Variants in NRXN3 observed in about 807,000 individuals in gnomAD.
NRXN3 encodes neurexin 3.
Under a neutral mutation model 137.6 loss-of-function variants are expected in NRXN3, and 32 were observed. That is an observed-to-expected ratio of 0.23 (90% CI 0.18 to 0.31). NRXN3 has a LOEUF of 0.31. Among genes scored for constraint, NRXN3 ranks in the 10% least tolerant of loss-of-function variants. The pLI is 1.00. For synonymous variants in NRXN3, 798 were observed against 784.5 expected (o/e 1.02, Z -0.29); for missense variants, 1,574 against 2,062.5 (o/e 0.76, Z 4.59).
chr14:78,663,872 C>A (rs1184144846), intron 6 of NRXN3, among the ~76,000 whole-genome samples: 1 of 152,170 alleles, frequency 6.6e-6, no homozygotes, highest in Non-Finnish European at 1.5e-5. Flanking sequence ...AGTCCTTGTA[C>A]ACATATACCT....
intron 15 of NRXN3, among the ~76,000 whole-genome samples, chr14:79,291,941 A>G (rs1022406445): frequency 2.6e-5 from 4 of 151,966 alleles, no homozygotes; most frequent in Non-Finnish European, 5.9e-5. Flanking sequence ...TATTCTAACA[A>G]ATACTTTAGC....
At chr14:78,580,549 G>A (rs577010773) in intron 4 of NRXN3, among the ~76,000 whole-genome samples, 1 of 152,220 alleles carries the variant, frequency 6.6e-6, no homozygotes, top group Admixed American at 6.5e-5. Context: ...ATCACCATCA[G>A]CATTCAATTC....
rs188821695 is a variant in NRXN3, at chr14:79,749,145, A to G, written c.4014+51208A>G. Among the ~76,000 whole-genome samples, 21 of 152,174 alleles carry G rather than the reference A, an allele frequency of 1.4e-4. No homozygotes were observed. The East Asian group carries it at 3.7e-3, about 27-fold the overall frequency. ...AGCCTGTGTCAGCCACCTGCCTGCT[A>G]CAAGCTGTGAGAAGTTAATCGTCTT... is the stretch of plus-strand genomic sequence containing the variant. On this transcript the variant is annotated intron_variant, in intron 19 of 20. Coordinates refer to ENST00000335750, the MANE Select transcript of NRXN3 (RefSeq NM_001330195.2).
chr14:79,529,402 C>T lies in NRXN3; in HGVS notation c.3444+62000C>T, dbSNP rs938689671. Among the ~76,000 whole-genome samples the T allele has an allele frequency of 2.6e-5, 4 of 152,202 alleles. No homozygotes were observed. In the East Asian group the frequency reaches 5.8e-4, roughly 22 times the overall value. The stretch of plus-strand genomic sequence containing the variant: ...GGCCAGGCAGGCCCAGGCCTGGTTT[C>T]GGGCCTGGCGCCGGGCTGCCTGTCT... On this transcript the variant is annotated intron_variant, in intron 16 of 20. Coordinates refer to ENST00000335750, the MANE Select transcript of NRXN3 (RefSeq NM_001330195.2).
At chr14:79,693,515 C>A (rs1201295636) in intron 18 of NRXN3, among the ~76,000 whole-genome samples, 1 of 151,958 alleles carries the variant, frequency 6.6e-6, no homozygotes, top group Non-Finnish European at 1.5e-5. Flanking sequence ...GATTGCCTCA[C>A]TTTAAACAGG....
At position 78,937,310 on chromosome 14, in the gene NRXN3, G is replaced by A. The variant is rs574999001; in HGVS notation, c.2276-19932G>A. On this transcript the variant is annotated intron_variant, in intron 10 of 20. Coordinates refer to ENST00000335750, the MANE Select transcript of NRXN3 (RefSeq NM_001330195.2). ...GGTGGTACCTAAACTTATTCAGGCAGTATGTCTGTGGTCTATAAATGTACA... is the reference window on the plus strand; with the variant it reads ...GGTGGTACCTAAACTTATTCAGGCAATATGTCTGTGGTCTATAAATGTACA... Among the ~76,000 whole-genome samples the A allele has an allele frequency of 3.3e-5, 5 of 152,190 alleles. No individual in the cohort carries two copies. In the South Asian group the frequency reaches 6.2e-4, roughly 19 times the overall value.
At chr14:79,638,258 G>T (rs368287019) in intron 16 of NRXN3, among the ~76,000 whole-genome samples, 35 of 152,122 alleles carry the variant, frequency 2.3e-4, no homozygotes, top group African/African-American at 8.4e-4. Context: ...TTCCTTTGTT[G>T]TTGTTTTCCT....
In NRXN3 at chr14:78,804,785, A is replaced by C. The variant is rs1300007333; in HGVS notation, c.2248+962A>C. On this transcript the variant is annotated intron_variant, in intron 9 of 20. Transcript: ENST00000335750. ...GTTTTTGGCAAGGAAAAAACAAACAAACACTCCATTTCTGCTGTTTCTAAT... is the reference window on the plus strand; with the variant it reads ...GTTTTTGGCAAGGAAAAAACAAACACACACTCCATTTCTGCTGTTTCTAAT... Among the ~76,000 whole-genome samples the C allele has an allele frequency of 2.0e-5, 3 of 152,178 alleles. No homozygotes were observed. The East Asian group carries it at 5.8e-4, about 29-fold the overall frequency.
chr14:79,743,169 G>A (rs1000450089), intron 19 of NRXN3, among the ~76,000 whole-genome samples: 2 of 152,024 alleles, frequency 1.3e-5, no homozygotes, highest in African/African-American at 4.8e-5. Context: ...CTATAATAAA[G>A]GTATTTTAAA....
intron 15 of NRXN3, among the ~76,000 whole-genome samples, chr14:79,125,062 G>C (rs765749857): frequency 2.0e-5 from 3 of 152,054 alleles, no homozygotes; most frequent in Non-Finnish European, 4.4e-5. Context: ...GTACATAGAA[G>C]GCTTTACATT....
At chr14:78,255,838 G>T (rs1410051151) in intron 2 of NRXN3, among the ~76,000 whole-genome samples, 1 of 152,198 alleles carries the variant, frequency 6.6e-6, no homozygotes, top group Admixed American at 6.5e-5. Flanking sequence ...GTGTGTGCCT[G>T]TGCTCCCTAA....
At chr14:78,844,536 G>T (rs2099021211) in intron 10 of NRXN3, among the ~76,000 whole-genome samples, 1 of 151,992 alleles carries the variant, frequency 6.6e-6, no homozygotes, top group African/African-American at 2.4e-5. Context: ...TGTAAAATGA[G>T]AATAATAACG....
At chr14:78,205,466 A>G (rs955786916) in intron 1 of NRXN3, among the ~76,000 whole-genome samples, 5 of 152,218 alleles carry the variant, frequency 3.3e-5, no homozygotes, top group African/African-American at 1.2e-4. Flanking sequence ...TTGCTTGGGT[A>G]GAGTTTGCAT....
chr14:78,813,277 G>A (rs547594077), intron 10 of NRXN3, among the ~76,000 whole-genome samples: 18 of 152,232 alleles, frequency 1.2e-4, no homozygotes, highest in Non-Finnish European at 2.4e-4. Context: ...TACATGATCC[G>A]AACTTCTAAG....
intron 8 of NRXN3, among the ~76,000 whole-genome samples, chr14:78,795,258 A>G (rs1017620279): frequency 2.6e-5 from 4 of 152,222 alleles, no homozygotes; most frequent in Non-Finnish European, 5.9e-5. Flanking sequence ...GATAAAAGAA[A>G]CATACATAAA....
rs185990887 is a variant in NRXN3 at position 79,548,176 on chromosome 14, A to G, written c.3444+80774A>G. 6.0e-3 allele frequency among the ~76,000 whole-genome samples: 916 copies of G among 152,110 alleles called. 1 individual carries two copies. The highest frequency in any genetic ancestry group is 0.011 in the Non-Finnish European group (738 of 67,996). On this transcript the variant is annotated intron_variant, in intron 16 of 20. Transcript: ENST00000335750. ...TACATTAGGTATTTCTCCTAATACT[A>G]TCCCTCCCCTAGCCCTCCACCCACC...
chr14:78,996,633 C>T (rs1449435236), intron 15 of NRXN3, among the ~76,000 whole-genome samples: 2 of 151,980 alleles, frequency 1.3e-5, no homozygotes, highest in Non-Finnish European at 2.9e-5. Context: ...CTGATTTGCT[C>T]GGGGAACAAG....
intron 15 of NRXN3, among the ~76,000 whole-genome samples, chr14:79,093,053 C>T (rs1258391632): frequency 6.6e-6 from 1 of 152,118 alleles, no homozygotes; most frequent in Non-Finnish European, 1.5e-5. Flanking sequence ...ATATTTATAC[C>T]ATTATTCATA....
At chr14:78,833,812 G>A (rs960596301) in intron 10 of NRXN3, among the ~76,000 whole-genome samples, 1 of 151,170 alleles carries the variant, frequency 6.6e-6, no homozygotes, top group Non-Finnish European at 1.5e-5. Context: ...CTGCCAAAGA[G>A]GTATTATTAT....
Sources: allele counts gnomAD v4.1 joint callset (sites outside exome capture counted in the v4.1 genomes callset), GRCh38; gene constraint gnomAD v4.1.1; transcripts MANE v1.5; gene names NCBI Gene and HGNC (gene_info 2026-07-23, HGNC 2026-07-21).